RNF19A: variants seen among roughly 807,000 people sequenced by gnomAD.
The protein encoded by RNF19A is E3 ubiquitin-protein ligase RNF19A.
In RNF19A, 32 loss-of-function variants were observed where a neutral mutation model predicts 75.7. The observed-to-expected ratio is 0.42, with a 90% CI of 0.32 to 0.57. The LOEUF (loss-of-function observed/expected upper bound fraction) is 0.57. Among genes scored for constraint, RNF19A ranks in the 20% least tolerant of loss-of-function variants. The pLI, the probability that RNF19A is intolerant of heterozygous loss-of-function variation, is 0.10. For missense variants in RNF19A, 782 were observed against 1,036.3 expected (o/e 0.75, Z 3.37); for synonymous variants, 335 against 345.2 (o/e 0.97, Z 0.33).
rs937887938 is a variant in RNF19A, at chr8:100,261,121, G to A, written c.1682+421C>T. Among the ~76,000 whole-genome samples, 1 of 151,566 alleles carries A rather than the reference G, an allele frequency of 6.6e-6. No individual in the cohort carries two copies. The highest frequency in any genetic ancestry group is 1.5e-5 in the Non-Finnish European group (1 of 67,912). On this transcript the variant is annotated intron_variant, in intron 8 of 9. Coordinates refer to ENST00000341084, the MANE Select transcript of RNF19A (RefSeq NM_183419.4). This position sits in a 1 kb window ranked among gnomAD's most constrained non-coding sequence, Gnocchi z 4.4. ...AATTTTTCTTTTTTTTTTTGAGACA[G>A]GGTCTCACTGTCACTCAGGTTGGAG...
At chr8:100,278,478 T>C (rs890973197) in intron 2 of RNF19A, among the ~76,000 whole-genome samples, 1 of 152,218 alleles carries the variant, frequency 6.6e-6, no homozygotes, top group Admixed American at 6.5e-5. Context: ...TAAAATGCTA[T>C]AATCTTTGTG....
At position 100,330,545 on chromosome 8, in the gene RNF19A, G is replaced by A. The variant is rs1449493511; in HGVS notation, c.-243+5563C>T. Among the ~76,000 whole-genome samples the A allele has an allele frequency of 3.3e-5, 5 of 152,212 alleles. No homozygotes were observed. Among genetic ancestry groups the A allele is most frequent in the African/African-American group, 1.2e-4 (5 of 41,454 alleles). ...CACTTATGTGTTAATTGCAAAGCTG[G>A]AGTTGCCAGAAGCCAACATGTGGAA... On this transcript the variant is annotated intron_variant, in intron 1 of 3. Transcript: ENST00000519527. The surrounding 1 kb of genome is among the most constrained non-coding windows in gnomAD (Gnocchi z 4.1).
chr8:100,265,064 G>C (rs932952214), intron 5 of RNF19A, among the ~76,000 whole-genome samples: 1 of 152,146 alleles, frequency 6.6e-6, no homozygotes, highest in African/African-American at 2.4e-5. Context: ...CAAAAGTAGT[G>C]TAATTATGTA....
chr8:100,328,434 G>A (rs974523612), intron 1 of RNF19A, among the ~76,000 whole-genome samples: 2 of 152,032 alleles, frequency 1.3e-5, no homozygotes, highest in African/African-American at 4.8e-5. Context: ...CAGAGAATAG[G>A]AGAGGACTTC....
In RNF19A at chr8:100,331,053, A is replaced by C. The variant is rs1240507286; in HGVS notation, c.-243+5055T>G. Among the ~76,000 whole-genome samples, 1 of 152,106 alleles carries C rather than the reference A, an allele frequency of 6.6e-6. No homozygotes were observed. The highest frequency in any genetic ancestry group is 2.4e-5 in the African/African-American group (1 of 41,394). ...GTCCATTTCTATCTATGGCTCCTCC[A>C]CTTTTCTACCCTTTAGGTTAGAATC... On this transcript the variant is annotated intron_variant, in intron 1 of 3. Transcript: ENST00000519527. This position sits in a 1 kb window ranked among gnomAD's most constrained non-coding sequence, Gnocchi z 5.2.
At position 100,333,028 on chromosome 8, in the gene RNF19A, T is replaced by G. The variant is rs1159729698; in HGVS notation, c.-243+3080A>C. ...TTTGACTCTTTTCTCTTTTTCACCC[T>G]CAGTATATTGCTAACTCTTAAAATT... On this transcript the variant is annotated intron_variant, in intron 1 of 3. Transcript: ENST00000519527. The surrounding 1 kb of genome is among the most constrained non-coding windows in gnomAD (Gnocchi z 4.7). Among the ~76,000 whole-genome samples, 1 of 152,184 alleles carries G rather than the reference T, an allele frequency of 6.6e-6. No individual in the cohort carries two copies. Among genetic ancestry groups the G allele is most frequent in the Non-Finnish European group, 1.5e-5 (1 of 68,034 alleles).
chr8:100,273,087 G>C (rs905814360), intron 3 of RNF19A, among the ~76,000 whole-genome samples: 2 of 151,704 alleles, frequency 1.3e-5, no homozygotes, highest in Non-Finnish European at 2.9e-5. Context: ...GGCTGGTCTC[G>C]AACTCCTGGG....
At chr8:100,308,247 A>T (rs1586687391) in intron 1 of RNF19A, among the ~76,000 whole-genome samples, 1 of 152,348 alleles carries the variant, frequency 6.6e-6, no homozygotes, top group South Asian at 2.1e-4. Context: ...GGACACGTAA[A>T]ATTTAAACTT....
chr8:100,334,582 C>T (rs111958268), intron 1 of RNF19A, among the ~76,000 whole-genome samples: 106 of 152,334 alleles, frequency 7.0e-4, no homozygotes, highest in Non-Finnish European at 1.2e-3. Flanking sequence ...CACCTTCTCC[C>T]TTTCTTGTGC....
rs1297158714 is a variant in RNF19A, at chr8:100,317,806, G to A, written c.-242-4434C>T. Among the ~76,000 whole-genome samples the A allele has an allele frequency of 6.6e-6, 1 of 152,216 alleles. No homozygotes were observed. The highest frequency in any genetic ancestry group is 1.5e-5 in the Non-Finnish European group (1 of 68,032). On this transcript the variant is annotated intron_variant, in intron 1 of 3. Transcript: ENST00000519527. The surrounding 1 kb of genome is among the most constrained non-coding windows in gnomAD (Gnocchi z 4.3). ...TGACTTAGAGTGACCATATGTGGCA[G>A]CTTGCTCAGGACACTCATGGCTTAC...
intron 1 of RNF19A, among the ~76,000 whole-genome samples, chr8:100,316,571 G>A (rs1350192434): frequency 1.3e-5 from 2 of 152,188 alleles, no homozygotes; most frequent in Non-Finnish European, 2.9e-5. Context: ...CACCAGAGCA[G>A]CTAGATACAG....
At position 100,329,357 on chromosome 8, in the gene RNF19A, A is replaced by AG. The variant is rs1267169593; in HGVS notation, c.-243+6750dup. ...AGGCCTGACTTGGCAGCCATTCATG[A>AG]GGGAAAAAAAAAAGACTTGGGATTT... is the stretch of plus-strand genomic sequence containing the variant. On this transcript the variant is annotated intron_variant, in intron 1 of 3. Transcript: ENST00000519527. This position sits in a 1 kb window ranked among gnomAD's most constrained non-coding sequence, Gnocchi z 4.3. 6.6e-6 allele frequency among the ~76,000 whole-genome samples: 1 copy of AG among 152,050 alleles called. No homozygotes were observed. Among genetic ancestry groups the AG allele is most frequent in the Non-Finnish European group, 1.5e-5 (1 of 67,998 alleles).
chr8:100,326,768 C>G (rs1822539071), intron 1 of RNF19A, among the ~76,000 whole-genome samples: 1 of 152,290 alleles, frequency 6.6e-6, no homozygotes, highest in Non-Finnish European at 1.5e-5. Context: ...ATAAGTGATA[C>G]TTATCTTAAA....
chr8:100,291,915 A>C (rs1821311755), intron 1 of RNF19A, among the ~76,000 whole-genome samples: 1 of 151,762 alleles, frequency 6.6e-6, no homozygotes, highest in African/African-American at 2.4e-5. Flanking sequence ...ATGCAATAAA[A>C]ACAGCATGTG....
intron 1 of RNF19A, among the ~76,000 whole-genome samples, chr8:100,321,819 C>A (rs1822469477): frequency 6.6e-6 from 1 of 152,198 alleles, no homozygotes; most frequent in Non-Finnish European, 1.5e-5. Context: ...TCTTGGGTGA[C>A]TAGGTGAATT....
intron 1 of RNF19A, among the ~76,000 whole-genome samples, chr8:100,290,824 T>C (rs1310476208): frequency 6.6e-6 from 1 of 152,228 alleles, no homozygotes; most frequent in African/African-American, 2.4e-5. Context: ...TACAAACCTG[T>C]ACAGTATGTT....
chr8:100,287,004 A>G lies in RNF19A; in HGVS notation c.674+497T>C, dbSNP rs917898774. 6.6e-6 allele frequency among the ~76,000 whole-genome samples: 1 copy of G among 152,194 alleles called. No homozygotes were observed. The highest frequency in any genetic ancestry group is 2.1e-4 in the South Asian group (1 of 4,832). On this transcript the variant is annotated intron_variant, in intron 2 of 9. Coordinates refer to ENST00000341084, the MANE Select transcript of RNF19A (RefSeq NM_183419.4). The surrounding 1 kb of genome is among the most constrained non-coding windows in gnomAD (Gnocchi z 4.1). Reference sequence around the variant, plus strand: ...AACCCCTAGAACTTGAGACTAGCAAATGCTTATGTATATCAACATGAACAC... The same window carrying G: ...AACCCCTAGAACTTGAGACTAGCAAGTGCTTATGTATATCAACATGAACAC...
At chr8:100,327,699 G>C (rs1036855648) in intron 1 of RNF19A, among the ~76,000 whole-genome samples, 3 of 152,212 alleles carry the variant, frequency 2.0e-5, no homozygotes, top group African/African-American at 4.8e-5. Flanking sequence ...TTCAGAAAGA[G>C]GATGCTAGAA....
intron 1 of RNF19A, chr8:100,309,611 G>A: frequency 1.0e-6 from 1 of 953,442 alleles, no homozygotes; most frequent in Non-Finnish European, 1.2e-6. Flanking sequence ...CGGCCCCCGC[G>A]GCCCGGGAGA....
Sources: allele counts gnomAD v4.1 joint callset (sites outside exome capture counted in the v4.1 genomes callset), GRCh38; gene constraint gnomAD v4.1.1; non-coding constraint Gnocchi (gnomAD v3.1); transcripts MANE v1.5; gene names NCBI Gene and HGNC (gene_info 2026-07-23, HGNC 2026-07-21).